Variants in PCDHGB6 observed in about 807,000 individuals in gnomAD.
The protein encoded by PCDHGB6 is protocadherin gamma-B6.
A neutral mutation model predicts 59.1 loss-of-function variants in PCDHGB6; 51 were observed. The observed-to-expected ratio is 0.86, with a 90% CI of 0.69 to 1.09. The LOEUF (loss-of-function observed/expected upper bound fraction) is 1.09. Ranked by LOEUF, PCDHGB6 falls within the 50% of genes least tolerant of loss-of-function variation. The pLI is 0.00. For missense variants in PCDHGB6, 1,148 were observed against 1,205.1 expected, an observed-to-expected ratio of 0.95 and a Z score of 0.70; for synonymous variants, 466 against 495.1, an observed-to-expected ratio of 0.94 and a Z score of 0.78.
rs148798222 is a variant in PCDHGB6, at chr5:141,432,106, G to A, written c.2418+21486G>A. On this transcript the variant is annotated intron_variant, in intron 1 of 3. Coordinates refer to ENST00000520790, the MANE Select transcript of PCDHGB6 (RefSeq NM_018926.3). This position sits in a 1 kb window ranked among gnomAD's most constrained non-coding sequence, Gnocchi z 6.0. The stretch of plus-strand genomic sequence containing the variant: ...ACGTGGCAGACACCAACGACAACCC[G>A]CCGGTCTTCCCTCAGGCCTCCTATT... 4 of 1,614,068 alleles carry A rather than the reference G, an allele frequency of 2.5e-6. No homozygotes were observed. Among genetic ancestry groups the A allele is most frequent in the Non-Finnish European group, 3.4e-6 (4 of 1,180,020 alleles).
Position 141,491,300 on chromosome 5 carries a change from G to T in PCDHGB6, c.2419-3507G>T. On this transcript the variant is annotated intron_variant, in intron 1 of 3. Coordinates refer to ENST00000520790, the MANE Select transcript of PCDHGB6 (RefSeq NM_018926.3). The surrounding 1 kb of genome is among the most constrained non-coding windows in gnomAD (Gnocchi z 6.9). Reference sequence around the variant, plus strand: ...GACTTCCTCATACACCCTCCTGAGCGTTCAGACCTTACCCTTTACCTCATT... The same window carrying T: ...GACTTCCTCATACACCCTCCTGAGCTTTCAGACCTTACCCTTTACCTCATT... The T allele has an allele frequency of 6.2e-7, 1 of 1,614,136 alleles. No homozygotes were observed. The highest frequency in any genetic ancestry group is 8.5e-7 in the Non-Finnish European group (1 of 1,179,962).
chr5:141,426,513 CG>C, intron 1 of PCDHGB6: 1 of 341,148 alleles, frequency 2.9e-6, no homozygotes, highest in Non-Finnish European at 5.8e-6. Flanking sequence ...AATACTTTAC[CG>C]TGAACACGGA....
chr5:141,509,577 C>G (rs569743928), intron 3 of PCDHGB6, among the ~76,000 whole-genome samples: 2 of 152,320 alleles, frequency 1.3e-5, no homozygotes, highest in African/African-American at 2.4e-5. Context: ...ACAGTGCGTA[C>G]AAATCAGCTG....
At position 141,485,386 on chromosome 5, in the gene PCDHGB6, C is replaced by A. The variant is rs1044608807; in HGVS notation, c.2419-9421C>A. The stretch of plus-strand genomic sequence containing the variant: ...GGCTGCAGGTCGCTGGAGAGGTGAA[C>A]CAAAGACACTTCCGTGTGGATTTGG... On this transcript the variant is annotated intron_variant, in intron 1 of 3. Coordinates refer to ENST00000520790, the MANE Select transcript of PCDHGB6 (RefSeq NM_018926.3). This position sits in a 1 kb window ranked among gnomAD's most constrained non-coding sequence, Gnocchi z 5.7. 1.2e-6 allele frequency: 2 copies of A among 1,614,104 alleles called. No homozygotes were observed. The highest frequency in any genetic ancestry group is 8.5e-7 in the Non-Finnish European group (1 of 1,180,002).
intron 1 of PCDHGB6, among the ~76,000 whole-genome samples, chr5:141,481,994 A>AG (rs2099550091): frequency 1.3e-5 from 2 of 151,258 alleles, no homozygotes; most frequent in African/African-American, 4.9e-5. Context: ...TTGAAGCAGG[A>AG]GAATCGCTTT....
In PCDHGB6 at chr5:141,491,359, G is replaced by C. The variant is rs764159829; in HGVS notation, c.2419-3448G>C. 3 of 1,614,154 alleles carry C rather than the reference G, an allele frequency of 1.9e-6. No homozygotes were observed. In the East Asian group the frequency reaches 6.7e-5, roughly 36 times the overall value. On this transcript the variant is annotated intron_variant, in intron 1 of 3. Coordinates refer to ENST00000520790, the MANE Select transcript of PCDHGB6 (RefSeq NM_018926.3). This position sits in a 1 kb window ranked among gnomAD's most constrained non-coding sequence, Gnocchi z 6.9. ...AGCGACCGTCAGTCTCTTATCCCTA[G>C]TCACCTTCACCTTTCTGTCAGCGAA...
Position 141,485,468 on chromosome 5 carries a change from A to G in PCDHGB6, c.2419-9339A>G. On this transcript the variant is annotated intron_variant, in intron 1 of 3. Coordinates refer to ENST00000520790, the MANE Select transcript of PCDHGB6 (RefSeq NM_018926.3). This position sits in a 1 kb window ranked among gnomAD's most constrained non-coding sequence, Gnocchi z 5.7. The stretch of plus-strand genomic sequence containing the variant: ...CGACCGAGAGGCACTGTGTGGGCTC[A>G]GTGCCAGCTGCATCGTGCCCCTGGA... 1 of 1,614,166 alleles carries G rather than the reference A, an allele frequency of 6.2e-7. No homozygotes were observed. Among genetic ancestry groups the G allele is most frequent in the Non-Finnish European group, 8.5e-7 (1 of 1,180,020 alleles).
Position 141,410,440 on chromosome 5 carries a change from G to A in PCDHGB6, c.2238G>A (p.Gly746=). The A allele has an allele frequency of 6.2e-7, 1 of 1,614,036 alleles. No homozygotes were observed. The highest frequency in any genetic ancestry group is 8.5e-7 in the Non-Finnish European group (1 of 1,179,910). The change falls in exon 1 of 4, where the codon GGG becomes GGA. Residue 746 remains glycine, a synonymous_variant. Transcript: ENST00000520790. Reference sequence around the variant, plus strand: ...TAGTTCCCCCCAACTACAGTGAGGGGACTTTGCCTTATTCTTATAATCTGT... The same window carrying A: ...TAGTTCCCCCCAACTACAGTGAGGGAACTTTGCCTTATTCTTATAATCTGT... ...GPVVPPNYSE[G]TLPYSYNLCI...
intron 1 of PCDHGB6, among the ~76,000 whole-genome samples, chr5:141,447,375 T>C (rs1431576261): frequency 6.6e-6 from 1 of 152,030 alleles, no homozygotes; most frequent in African/African-American, 2.4e-5. Context: ...CTGACCCTGG[T>C]GATCTGCCCA....
intron 1 of PCDHGB6, among the ~76,000 whole-genome samples, chr5:141,479,129 C>T (rs2099488562): frequency 6.6e-6 from 1 of 152,154 alleles, no homozygotes; most frequent in South Asian, 2.1e-4. Context: ...AAATGATGTG[C>T]ACCCTGCTTA....
intron 1 of PCDHGB6, chr5:141,413,132 A>C (rs1313665743): frequency 1.3e-6 from 2 of 1,542,144 alleles, no homozygotes; most frequent in Admixed American, 4.0e-5. Context: ...GAAACACACA[A>C]CGTGTCCAGT....
intron 2 of PCDHGB6, among the ~76,000 whole-genome samples, chr5:141,497,552 T>C (rs2099777669): frequency 6.6e-6 from 1 of 151,386 alleles, no homozygotes; most frequent in Non-Finnish European, 1.5e-5. Context: ...TTTTTTTTTT[T>C]TTTTTTAGAC....
intron 1 of PCDHGB6, chr5:141,413,863 G>A (rs1367797365): frequency 1.9e-6 from 3 of 1,613,356 alleles, no homozygotes; most frequent in Admixed American, 1.7e-5. Flanking sequence ...ATCTGGCACT[G>A]TCCTTGTCAG....
In PCDHGB6 at chr5:141,505,323, G is replaced by T. The variant is rs996747379; in HGVS notation, c.2478-70G>T. 12 of 1,606,640 alleles carry T rather than the reference G, an allele frequency of 7.5e-6. No homozygotes were observed. In the African/African-American group the frequency reaches 1.5e-4, roughly 20 times the overall value. On this transcript the variant is annotated intron_variant, in intron 2 of 3. Transcript: ENST00000520790. Reference sequence around the variant, plus strand: ...TAGGGTACTAGGTTTGGGAGCCCTGGGAGAGGACAGGAGGGGCATGAGCTG... The same window carrying T: ...TAGGGTACTAGGTTTGGGAGCCCTGTGAGAGGACAGGAGGGGCATGAGCTG...
Position 141,490,019 on chromosome 5 carries a change from T to C in PCDHGB6, c.2419-4788T>C. 2 of 1,614,272 alleles carry C rather than the reference T, an allele frequency of 1.2e-6. No homozygotes were observed. Among genetic ancestry groups the C allele is most frequent in the East Asian group, 2.2e-5 (1 of 44,886 alleles). ...CCAGAGAATGCACCCATTGGTACTCTGCTGCTCCGCCTCAATGCCACTGAT... is the reference window on the plus strand; with the variant it reads ...CCAGAGAATGCACCCATTGGTACTCCGCTGCTCCGCCTCAATGCCACTGAT... On this transcript the variant is annotated intron_variant, in intron 1 of 3. Coordinates refer to ENST00000520790, the MANE Select transcript of PCDHGB6 (RefSeq NM_018926.3). This position sits in a 1 kb window ranked among gnomAD's most constrained non-coding sequence, Gnocchi z 5.4.
intron 1 of PCDHGB6, chr5:141,415,384 A>C: frequency 1.9e-6 from 3 of 1,614,180 alleles, no homozygotes; most frequent in Non-Finnish European, 2.5e-6. Flanking sequence ...AGGCGGCTTG[A>C]CAGGTGTGTC....
intron 1 of PCDHGB6, chr5:141,420,295 T>G (rs1282298065): frequency 6.8e-7 from 1 of 1,466,506 alleles, no homozygotes; most frequent in East Asian, 2.3e-5. Flanking sequence ...AAAAATGTAT[T>G]TAATCCTTTT....
At chr5:141,441,890 T>C (rs967557692) in intron 1 of PCDHGB6, 18 of 348,170 alleles carry the variant, frequency 5.2e-5, no homozygotes, top group Non-Finnish European at 7.2e-5. Flanking sequence ...GTCACCAAGG[T>C]GGTGGCTGTA....
At chr5:141,414,290 T>C (rs781378958) in intron 1 of PCDHGB6, 1 of 1,613,272 alleles carries the variant, frequency 6.2e-7, no homozygotes, top group Admixed American at 1.7e-5. Context: ...GTCGTAGCCC[T>C]TTTAAATGTG....
Sources: gnomAD v4.1 joint callset for allele counts (sites outside exome capture counted in the v4.1 genomes callset) on GRCh38, gnomAD v4.1.1 for gene constraint, Gnocchi (gnomAD v3.1) non-coding constraint, MANE v1.5 for transcripts, NCBI Gene and HGNC (gene_info 2026-07-23, HGNC 2026-07-21) for gene names.